Variants in PAF1 observed in about 807,000 individuals in gnomAD.
The protein encoded by PAF1 is RNA polymerase II-associated factor 1 homolog.
PAF1 carries 31 observed loss-of-function variants against 68.4 expected under a neutral mutation model. The ratio of observed to expected loss-of-function variants is 0.45; its 90% CI spans 0.34 to 0.61. The LOEUF (loss-of-function observed/expected upper bound fraction) is 0.61. PAF1 is among the 20% of genes least tolerant of loss of function. PAF1 has a pLI of 0.01. For missense variants in PAF1, 435 were observed against 692.9 expected (o/e 0.63, Z 4.18); for synonymous variants, 256 against 240.5 (o/e 1.06, Z -0.60).
chr19:39,390,252 G>A lies in PAF1; in HGVS notation c.77+8C>T. 6.2e-7 allele frequency: 1 copy of A among 1,613,854 alleles called. No individual in the cohort carries two copies. The highest frequency in any genetic ancestry group is 1.3e-5 in the African/African-American group (1 of 75,036). ...CCACCGCTCCTGGGAAAGCACAGTGGGGCTCACCTCTCAGGCAGAGTCCGG... is the reference window on the plus strand; with the variant it reads ...CCACCGCTCCTGGGAAAGCACAGTGAGGCTCACCTCTCAGGCAGAGTCCGG... On this transcript the variant is annotated splice_region_variant and intron_variant, in intron 2 of 13. Transcript: ENST00000221265.
chr19:39,390,328 C>T, intron 1 of PAF1, 39 bp from the exon 2 acceptor site: 1 of 1,583,992 alleles, frequency 6.3e-7, no homozygotes, highest in Non-Finnish European at 8.6e-7. Flanking sequence ...GTGGAGAGGA[C>T]GGGATTGACA....
At position 39,391,076 on chromosome 19, in the gene PAF1, C is replaced by T. The variant is rs1436780218; in HGVS notation, c.-212G>A. ...GGCAGCACCGGGGACGGACTCGAAG[C>T]TCCGGTTCCACCAACTGCCGCCAAG... On this transcript the variant is annotated 5_prime_UTR_variant, in exon 1 of 14. Transcript: ENST00000221265. 3 of 631,696 alleles carry T rather than the reference C, an allele frequency of 4.7e-6. No individual in the cohort carries two copies. Among genetic ancestry groups the T allele is most frequent in the East Asian group, 2.8e-5 (1 of 35,926 alleles). 39.1% of individuals were successfully genotyped at this position (631,696 alleles called of 1,614,324 possible).
rs764142280 is a variant in PAF1, at chr19:39,388,553, C to A, written c.857+7G>T. 11 of 1,613,510 alleles carry A rather than the reference C, an allele frequency of 6.8e-6. No individual in the cohort carries two copies. The South Asian group carries it at 7.7e-5, about 11-fold the overall frequency. ...CAATCCCCAAAACTTAACCGCAACC[C>A]ACGCACACATCATCTGGTGCATAGT... On this transcript the variant is annotated splice_region_variant and intron_variant, in intron 10 of 13. Transcript: ENST00000221265.
chr19:39,390,790 T>C, intron 1 of PAF1, 28 bp downstream of exon 1: 2 of 1,566,766 alleles, frequency 1.3e-6, no homozygotes, highest in South Asian at 2.3e-5. Context: ...TCCCCCGCCT[T>C]GCTGCAACAG....
Position 39,390,240 on chromosome 19 carries a change from G to A in PAF1, c.77+20C>T, listed in dbSNP as rs747469239. On this transcript the variant is annotated intron_variant, in intron 2 of 13. Transcript: ENST00000221265. Reference sequence around the variant, plus strand: ...AGCCCCACTGCCCCACCGCTCCTGGGAAAGCACAGTGGGGCTCACCTCTCA... The same window carrying A: ...AGCCCCACTGCCCCACCGCTCCTGGAAAAGCACAGTGGGGCTCACCTCTCA... 3 of 1,613,888 alleles carry A rather than the reference G, an allele frequency of 1.9e-6. No homozygotes were observed. The highest frequency in any genetic ancestry group is 2.5e-6 in the Non-Finnish European group (3 of 1,179,858).
At chr19:39,388,136 A>G (rs1382560693) in intron 11 of PAF1, among the ~76,000 whole-genome samples, 1 of 152,174 alleles carries the variant, frequency 6.6e-6, no homozygotes, top group Non-Finnish European at 1.5e-5. Context: ...GCGAGACTCC[A>G]TCTCAAAAAA....
intron 11 of PAF1, 110 bp downstream of exon 11, chr19:39,388,229 A>G: frequency 1.9e-6 from 2 of 1,030,736 alleles, no homozygotes; most frequent in Non-Finnish European, 3.0e-6. Flanking sequence ...TTGTTTACCA[A>G]TGCATATGAC....
Position 39,389,316 on chromosome 19 carries a change from G to A in PAF1, c.427C>T (p.Arg143Cys). 6.2e-7 allele frequency: 1 copy of A among 1,614,084 alleles called. No individual in the cohort carries two copies. The highest frequency in any genetic ancestry group is 8.5e-7 in the Non-Finnish European group (1 of 1,179,948). ...GGCTTCTCATTGGAGATGCCATAAC[G>A]GTTGAACTCAGTGGAGATGTACTCT... ...KTEYISTEFN[R>C]YGISNEKPEV... The change falls in exon 6 of 14, where the codon CGT becomes TGT. Residue 143 changes from arginine to cysteine, a missense_variant. Physicochemically the swap from Arg to Cys is radical, Grantham distance 180 (BLOSUM62 -3). Transcript: ENST00000221265. The surrounding 1 kb of genome is among the most constrained non-coding windows in gnomAD (Gnocchi z 5.3).
chr19:39,388,299 G>A (rs1159009749), intron 11 of PAF1, 40 bp downstream of exon 11: 2 of 1,611,142 alleles, frequency 1.2e-6, no homozygotes, highest in Non-Finnish European at 1.7e-6. Flanking sequence ...GTCTTAAGAA[G>A]CACAGATCCA....
chr19:39,386,328 C>T lies in PAF1; in HGVS notation c.1259G>A (p.Arg420Gln), dbSNP rs145620122. ...GGCCTCGTCCCTGTCACCTTCCTCC[C>T]GTTCACTCTCGCTGCCCGAGTGCTC... The part of the protein sequence containing the change: ...EDEHSGSESE[R>Q]EEGDRDEASD... Residue 420 changes from arginine to glutamine, a missense_variant, in exon 14 of 14, where the codon CGG becomes CAG. Physicochemically the swap from Arg to Gln is conservative, Grantham distance 43. This residue lies in a region of PAF1 where 78 missense variants were observed against 80.6 expected (regional missense o/e 0.97). Transcript: ENST00000221265. The surrounding 1 kb of genome is among the most constrained non-coding windows in gnomAD (Gnocchi z 6.1). 40 of 1,614,086 alleles carry T rather than the reference C, an allele frequency of 2.5e-5. No homozygotes were observed. The highest frequency in any genetic ancestry group is 5.3e-5 in the African/African-American group (4 of 74,912).
chr19:39,388,276 T>C (rs1313045285), intron 11 of PAF1, 63 bp downstream of exon 11: 66 of 1,579,848 alleles, frequency 4.2e-5, no homozygotes, highest in Middle Eastern at 1.7e-4. Context: ...AGGTGGCTCT[T>C]GCATGCCCCA....
chr19:39,386,637 CACCT>C lies in PAF1; in HGVS notation c.1092+53_1092+56del. The stretch of plus-strand genomic sequence containing the variant: ...TCTGCTGGGTTTTTGTCCCCCTCCT[CACCT>C]ACAACCACCACCCTCCCTGCCATGG... On this transcript the variant is annotated intron_variant, in intron 12 of 13. Transcript: ENST00000221265. This position sits in a 1 kb window ranked among gnomAD's most constrained non-coding sequence, Gnocchi z 6.1. 6.3e-7 allele frequency: 1 copy of C among 1,596,172 alleles called. No homozygotes were observed. The highest frequency in any genetic ancestry group is 1.1e-5 in the South Asian group (1 of 90,738).
Position 39,386,560 on chromosome 19 carries a change from C to A in PAF1, c.1105G>T (p.Ala369Ser), listed in dbSNP as rs776227394. The change falls in exon 13 of 14, where the codon GCC (alanine) becomes TCC (serine). Residue 369 changes from alanine to serine, a missense_variant. Physicochemically the swap from Ala to Ser is moderately conservative, Grantham distance 99. Coordinates refer to ENST00000221265, the MANE Select transcript of PAF1 (RefSeq NM_019088.4). This position sits in a 1 kb window ranked among gnomAD's most constrained non-coding sequence, Gnocchi z 6.1. ...TCCGGTTCGTGGTTTTCTAGCTGGGCCTTCCGTGCCTCCTGGAAGCAGCAA... is the reference window on the plus strand; with the variant it reads ...TCCGGTTCGTGGTTTTCTAGCTGGGACTTCCGTGCCTCCTGGAAGCAGCAA... ...KELEAQEARK[A>S]QLENHEPEEE... The A allele has an allele frequency of 6.2e-7, 1 of 1,614,118 alleles. No individual in the cohort carries two copies. Among genetic ancestry groups the A allele is most frequent in the Non-Finnish European group, 8.5e-7 (1 of 1,180,008 alleles).
rs2078325068 is a variant in PAF1 at position 39,389,449 on chromosome 19, A to G, written c.359+31T>C. 1 of 1,613,046 alleles carries G rather than the reference A, an allele frequency of 6.2e-7. No individual in the cohort carries two copies. The highest frequency in any genetic ancestry group is 8.5e-7 in the Non-Finnish European group (1 of 1,179,002). Reference sequence around the variant, plus strand: ...CCTGCTTGTAGGGCCCACCTGAGCCAGTCTCCAGTACCCATTTGCTACCCA... The same window carrying G: ...CCTGCTTGTAGGGCCCACCTGAGCCGGTCTCCAGTACCCATTTGCTACCCA... On this transcript the variant is annotated intron_variant, in intron 5 of 13. Transcript: ENST00000221265. This position sits in a 1 kb window ranked among gnomAD's most constrained non-coding sequence, Gnocchi z 5.3.
chr19:39,386,047 C>A lies in PAF1; in HGVS notation c.1540G>T (p.Asp514Tyr). The change falls in exon 14 of 14, where the codon GAT becomes TAT. Residue 514 changes from aspartate to tyrosine, a missense_variant. Asp to Tyr is a radical substitution (Grantham distance 160, BLOSUM62 -3). Transcript: ENST00000221265. This position sits in a 1 kb window ranked among gnomAD's most constrained non-coding sequence, Gnocchi z 6.1. ...PSGSEHSAQE[D>Y]GSEAAASDSS... ...TCAGAAGCTGCAGCTTCACTGCCAT[C>A]CTCCTGGGCCGAGTGCTCGCTGCCA... 6.2e-7 allele frequency: 1 copy of A among 1,613,994 alleles called. No homozygotes were observed. The highest frequency in any genetic ancestry group is 8.5e-7 in the Non-Finnish European group (1 of 1,180,026).
In PAF1 at chr19:39,390,180, C is replaced by T. The variant is rs1325349318; in HGVS notation, c.78-19G>A. On this transcript the variant is annotated intron_variant, in intron 2 of 13. Transcript: ENST00000221265. ...TCCAGACCTAGGAACATTAGTGGCT[C>T]AAAAGTGGGCCCCCGCTGCCCCACC... 2.5e-6 allele frequency: 4 copies of T among 1,612,900 alleles called. No individual in the cohort carries two copies. The highest frequency in any genetic ancestry group is 2.5e-6 in the Non-Finnish European group (3 of 1,179,102).
rs747740261 is a variant in PAF1 at position 39,386,126 on chromosome 19, A to C, written c.1461T>G (p.Asn487Lys). 2 of 1,613,916 alleles carry C rather than the reference A, an allele frequency of 1.2e-6. No homozygotes were observed. The highest frequency in any genetic ancestry group is 1.7e-6 in the Non-Finnish European group (2 of 1,180,016). The change falls in exon 14 of 14, where the codon AAT becomes AAG. Residue 487 changes from asparagine (N) to lysine (K), a missense_variant. Physicochemically the swap from Asn to Lys is moderately conservative, Grantham distance 94 (BLOSUM62 0). Around this residue, in one of 7 missense-constraint regions of PAF1, gnomAD observed 83 missense variants for 99.9 expected, o/e 0.83. Transcript: ENST00000221265. The surrounding 1 kb of genome is among the most constrained non-coding windows in gnomAD (Gnocchi z 6.1). Reference protein sequence around the residue: ...GSDNDSDSGSNGGGQRSRSHS... With the variant: ...GSDNDSDSGSKGGGQRSRSHS... ...GGCTCCGGCTCCGCTGGCCACCCCC[A>C]TTGCTGCCGCTGTCTGAATCATTGT...
chr19:39,386,865 C>T lies in PAF1; in HGVS notation c.987-66G>A, dbSNP rs137971697. The T allele has an allele frequency of 1.8e-5, 19 of 1,082,050 alleles. No individual in the cohort carries two copies. Among genetic ancestry groups the T allele is most frequent in the African/African-American group, 3.1e-5 (2 of 64,908 alleles). The allele number at this position is 1,082,050 out of a possible 1,614,324, so 67.0% of individuals were successfully genotyped here. On this transcript the variant is annotated intron_variant, in intron 11 of 13. Transcript: ENST00000221265. This position sits in a 1 kb window ranked among gnomAD's most constrained non-coding sequence, Gnocchi z 6.1. ...GTTAAAGACACACCTCCCACTTCCC[C>T]GCCCCCCAGTGAGGGGTCTGGTCTG...
At position 39,386,613 on chromosome 19, in the gene PAF1, C is replaced by A. The variant is rs1568372591; in HGVS notation, c.1093-41G>T. 10 of 1,610,008 alleles carry A rather than the reference C, an allele frequency of 6.2e-6. No individual in the cohort carries two copies. The South Asian group carries it at 1.1e-4, about 18-fold the overall frequency. ...TTGGAATGAGGGGAAGGAGGGTGTT[C>A]TGCTGGGTTTTTGTCCCCCTCCTCA... On this transcript the variant is annotated intron_variant, in intron 12 of 13. Coordinates refer to ENST00000221265, the MANE Select transcript of PAF1 (RefSeq NM_019088.4). The surrounding 1 kb of genome is among the most constrained non-coding windows in gnomAD (Gnocchi z 6.1).
Sources: gnomAD v4.1 joint callset for allele counts (sites outside exome capture counted in the v4.1 genomes callset) on GRCh38, gnomAD v4.1.1 for gene constraint, gnomAD v4.1.1 regional missense constraint, Gnocchi (gnomAD v3.1) non-coding constraint, MANE v1.5 for transcripts, NCBI Gene and HGNC (gene_info 2026-07-23, HGNC 2026-07-21) for gene names.